FGF12: variants seen among roughly 807,000 people sequenced by gnomAD.
FGF12 encodes fibroblast growth factor 12.
FGF12 carries 14 observed loss-of-function variants against 23.6 expected under a neutral mutation model. The ratio of observed to expected loss-of-function variants is 0.59; its 90% CI spans 0.39 to 0.93. The LOEUF is 0.93. Among genes scored for constraint, FGF12 ranks in the 40% least tolerant of loss-of-function variants. FGF12 has a pLI of 0.00. For missense variants in FGF12, 175 were observed against 217.8 expected, an observed-to-expected ratio of 0.80 and a Z score of 1.24; for synonymous variants, 62 against 77.3, an observed-to-expected ratio of 0.80 and a Z score of 1.04.
At position 192,521,980 on chromosome 3, in the gene FGF12, C is replaced by T. The variant is rs944280828; in HGVS notation, c.14-161442G>A. The stretch of plus-strand genomic sequence containing the variant: ...TTGGGAGGCCGAGGCGGGCGGATCA[C>T]GAGGTCAGGAGATTGAGACCATCCT... On this transcript the variant is annotated intron_variant, in intron 2 of 5. Coordinates refer to ENST00000445105, the MANE Select transcript of FGF12 (RefSeq NM_004113.6). Among the ~76,000 whole-genome samples, 6 of 152,062 alleles carry T rather than the reference C, an allele frequency of 3.9e-5. 1 individual carries two copies.
intron 2 of FGF12, among the ~76,000 whole-genome samples, chr3:192,675,049 T>C (rs557054524): frequency 1.3e-5 from 2 of 152,332 alleles, no homozygotes; most frequent in Admixed American, 6.5e-5. Context: ...AGTACTTGTC[T>C]TTAGGTGCAG....
At chr3:192,656,913 A>G (rs1211755538) in intron 2 of FGF12, among the ~76,000 whole-genome samples, 3 of 152,150 alleles carry the variant, frequency 2.0e-5, no homozygotes, top group Non-Finnish European at 2.9e-5. Context: ...AATGTGAAAA[A>G]CTTTACAAAG....
In FGF12 at chr3:192,324,035, T is replaced by C. The variant is rs1402561037; in HGVS notation, c.228+11326A>G. On this transcript the variant is annotated intron_variant, in intron 4 of 5. Transcript: ENST00000445105. ...TGAACCCAGGAGGCAGAGGTTGCAG[T>C]GAGCCGAGATCAAGCCACCGCATGC... Among the ~76,000 whole-genome samples the C allele has an allele frequency of 2.0e-5, 3 of 151,998 alleles. No homozygotes were observed. The East Asian group carries it at 5.8e-4, about 29-fold the overall frequency.
chr3:192,370,037 G>T (rs1719153393), intron 2 of FGF12, among the ~76,000 whole-genome samples: 1 of 152,208 alleles, frequency 6.6e-6, no homozygotes, highest in African/African-American at 2.4e-5. Flanking sequence ...ACAGACAGAT[G>T]CATGTGCTTA....
chr3:192,587,767 G>GCT (rs1411890562), intron 2 of FGF12, among the ~76,000 whole-genome samples: 1 of 151,918 alleles, frequency 6.6e-6, no homozygotes, highest in African/African-American at 2.4e-5. Context: ...GTTACAGGGA[G>GCT]CTATGACTGC....
intron 2 of FGF12, among the ~76,000 whole-genome samples, chr3:192,368,154 T>A (rs983925171): frequency 6.6e-6 from 1 of 151,810 alleles, no homozygotes; most frequent in Non-Finnish European, 1.5e-5. Flanking sequence ...CAGACTTTCA[T>A]GGGATGATTT....
chr3:192,340,580 C>T (rs577628728), intron 3 of FGF12, among the ~76,000 whole-genome samples: 1 of 152,252 alleles, frequency 6.6e-6, no homozygotes, highest in South Asian at 2.1e-4. Context: ...TCTTGTTCTA[C>T]ATCTTTTTGT....
At position 192,483,425 on chromosome 3, in the gene FGF12, TA is replaced by T. The variant is rs546438496; in HGVS notation, c.14-122888del. Among the ~76,000 whole-genome samples the T allele has an allele frequency of 7.2e-5, 11 of 151,914 alleles. No homozygotes were observed. In the South Asian group the frequency reaches 2.1e-3, roughly 29 times the overall value. Reference sequence around the variant, plus strand: ...AAACGTATTATACAACAGCCACACGTAAAAAAAATGTCTAATGTCTCTTACT... The same window carrying T: ...AAACGTATTATACAACAGCCACACGTAAAAAAATGTCTAATGTCTCTTACT... On this transcript the variant is annotated intron_variant, in intron 2 of 5. Transcript: ENST00000445105.
chr3:192,470,218 G>A (rs1723131068), intron 2 of FGF12, among the ~76,000 whole-genome samples: 1 of 152,034 alleles, frequency 6.6e-6, no homozygotes, highest in African/African-American at 2.4e-5. Context: ...TGTCATTCAA[G>A]GCCTCCAGAA....
At chr3:192,158,670 C>CCCCT (rs71177347) in intron 5 of FGF12, among the ~76,000 whole-genome samples, 1 of 74,652 alleles carries the variant, frequency 1.3e-5, no homozygotes, top group African/African-American at 4.2e-5. Context: ...CCTTCCCTCC[C>CCCCT]TCCCTCTCTC....
At chr3:192,276,630 T>G (rs1713807852) in intron 4 of FGF12, among the ~76,000 whole-genome samples, 1 of 152,138 alleles carries the variant, frequency 6.6e-6, no homozygotes, top group South Asian at 2.1e-4. Context: ...CAATTTTTCC[T>G]GAGGTTAGCC....
At chr3:192,279,696 A>G (rs1184569788) in intron 4 of FGF12, among the ~76,000 whole-genome samples, 1 of 152,204 alleles carries the variant, frequency 6.6e-6, no homozygotes, top group Non-Finnish European at 1.5e-5. Flanking sequence ...CAGCTGTATC[A>G]TAAACAATAA....
At chr3:192,712,624 A>C (rs1177832625) in intron 2 of FGF12, among the ~76,000 whole-genome samples, 1 of 152,136 alleles carries the variant, frequency 6.6e-6, no homozygotes, top group African/African-American at 2.4e-5. Flanking sequence ...TCTGAAGAAA[A>C]CTTATTTTAA....
rs370723852 is a variant in FGF12 at position 192,143,988 on chromosome 3, G to A, written c.*21C>T. The A allele has an allele frequency of 2.2e-6, 3 of 1,394,902 alleles. No individual in the cohort carries two copies. Among genetic ancestry groups the A allele is most frequent in the African/African-American group, 2.8e-5 (2 of 70,724 alleles). The allele number at this position is 1,394,902 out of a possible 1,614,324, so 86.4% of individuals were successfully genotyped here. Reference sequence around the variant, plus strand: ...AGGGAAGGGGAAGGGATGAGAGAGGGAAGAAGGGGAGAGTTCTCAGCTATG... The same window carrying A: ...AGGGAAGGGGAAGGGATGAGAGAGGAAAGAAGGGGAGAGTTCTCAGCTATG... On this transcript the variant is annotated 3_prime_UTR_variant, in exon 6 of 6. Transcript: ENST00000445105.
chr3:192,474,816 T>G (rs1238952511), intron 2 of FGF12, among the ~76,000 whole-genome samples: 1 of 143,972 alleles, frequency 6.9e-6, no homozygotes, highest in Non-Finnish European at 1.5e-5. Flanking sequence ...ACCCGGGAGG[T>G]AGAGGTTGCA....
chr3:192,302,731 G>A (rs1362761752), intron 4 of FGF12, among the ~76,000 whole-genome samples: 1 of 152,206 alleles, frequency 6.6e-6, no homozygotes, highest in Non-Finnish European at 1.5e-5. Context: ...CCACTAAGAA[G>A]GAAGTAAGTG....
Position 192,375,194 on chromosome 3 carries a change from A to G in FGF12, c.14-14656T>C, listed in dbSNP as rs558724710. Among the ~76,000 whole-genome samples, 11 of 152,326 alleles carry G rather than the reference A, an allele frequency of 7.2e-5. No individual in the cohort carries two copies. In the South Asian group the frequency reaches 2.1e-3, roughly 29 times the overall value. ...AATCTTCATCTGATTTGAAATTCCC[A>G]TAATAGATGGCTATAATCATTTTGC... is the stretch of plus-strand genomic sequence containing the variant. On this transcript the variant is annotated intron_variant, in intron 2 of 5. Transcript: ENST00000445105.
At chr3:192,659,658 G>A (rs541001406) in intron 2 of FGF12, among the ~76,000 whole-genome samples, 61 of 152,220 alleles carry the variant, frequency 4.0e-4, no homozygotes, top group African/African-American at 1.4e-3. Flanking sequence ...AATTCCCAGT[G>A]GTACAGAAAT....
chr3:192,687,946 C>T (rs149488391), intron 2 of FGF12, among the ~76,000 whole-genome samples: 1 of 152,156 alleles, frequency 6.6e-6, no homozygotes, highest in Non-Finnish European at 1.5e-5. Flanking sequence ...ACAAGCTTGC[C>T]ACTGACCTTG....
Sources: gnomAD v4.1 joint callset for allele counts (sites outside exome capture counted in the v4.1 genomes callset) on GRCh38, gnomAD v4.1.1 for gene constraint, MANE v1.5 for transcripts, NCBI Gene and HGNC (gene_info 2026-07-23, HGNC 2026-07-21) for gene names.